The following CLMN variants were observed in gnomAD, a reference collection of about 807,000 sequenced individuals.
CLMN encodes the protein calmin.
CLMN carries 57 observed loss-of-function variants against 92.7 expected under a neutral mutation model. The observed-to-expected ratio is 0.61, with a 90% confidence interval of 0.50 to 0.77. CLMN has a LOEUF of 0.77. Among genes scored for constraint, CLMN ranks in the 30% least tolerant of loss-of-function variants. The probability of loss-of-function intolerance (pLI) is 0.00; values close to 1 mark genes in which losing one functional copy is unlikely to be tolerated. For synonymous variants in CLMN, 466 were observed against 470.6 expected, an observed-to-expected ratio of 0.99 and a Z score of 0.13; for missense variants, 1,158 against 1,237.5, an observed-to-expected ratio of 0.94 and a Z score of 0.96.
rs1305454722 is a variant in CLMN, at chr14:95,183,606, C to T, written c.*7958G>A. ...TTGAAGGAGAAAGCCCAATTTCCTA[C>T]TCTGTGAAGTACGTGTTAGAGGTGC... On this transcript the variant is annotated 3_prime_UTR_variant, in exon 13 of 13. Coordinates refer to ENST00000298912, the MANE Select transcript of CLMN (RefSeq NM_024734.4). The T allele has an allele frequency of 6.6e-6, 1 of 152,212 alleles. No homozygotes were observed. Among genetic ancestry groups the T allele is most frequent in the Non-Finnish European group, 1.5e-5 (1 of 68,048 alleles). 9.4% of individuals were successfully genotyped at this position (152,212 alleles called of 1,614,324 possible). A position where few individuals can be genotyped will look rare whatever the true frequency, so the allele number is the denominator to read the frequency against.
At position 95,202,997 on chromosome 14, in the gene CLMN, C is replaced by A. The variant is rs12147696; in HGVS notation, c.2352G>T (p.Ser784=). The A allele has an allele frequency of 1.2e-6, 2 of 1,614,024 alleles. No homozygotes were observed. Among genetic ancestry groups the A allele is most frequent in the Non-Finnish European group, 1.7e-6 (2 of 1,179,960 alleles). ...CACTGGGGAGGCTCTCTCCTGGCAC[C>A]GAGGAACTGGAGCTGCTCTGAGAGC... The part of the protein sequence containing the change: ...ADGSQSSSSS[S]VPGESLPSAS... Residue 784 remains serine (S), a synonymous_variant, in exon 9 of 13, where the codon TCG becomes TCT. Transcript: ENST00000298912.
At chr14:95,244,722 G>A (rs770293844) in intron 1 of CLMN, among the ~76,000 whole-genome samples, 15 of 152,016 alleles carry the variant, frequency 9.9e-5, no homozygotes, top group Admixed American at 2.0e-4. Flanking sequence ...CAATTTTTAC[G>A]TGAAGATGAA....
chr14:95,286,656 C>T (rs916506997), intron 1 of CLMN, among the ~76,000 whole-genome samples: 3 of 152,114 alleles, frequency 2.0e-5, no homozygotes, highest in Admixed American at 6.5e-5. Flanking sequence ...AAAATGTTTT[C>T]ACCCAAAATA....
Position 95,190,517 on chromosome 14 carries a change from A to C in CLMN, c.*1047T>G, listed in dbSNP as rs188838283. 2 of 152,528 alleles carry C rather than the reference A, an allele frequency of 1.3e-5. No homozygotes were observed. Among genetic ancestry groups the C allele is most frequent in the African/African-American group, 4.8e-5 (2 of 41,424 alleles). The allele number at this position is 152,528 out of a possible 1,614,324, so 9.4% of individuals were successfully genotyped here. The stretch of plus-strand genomic sequence containing the variant: ...ACCTGAGTCTTGGCAGGGAGGAGAG[A>C]GCAGAGGGAGCCTGGGGCTGAGGAA... On this transcript the variant is annotated 3_prime_UTR_variant, in exon 13 of 13. Transcript: ENST00000298912.
At chr14:95,310,786 G>C (rs1901502844) in intron 1 of CLMN, among the ~76,000 whole-genome samples, 2 of 152,198 alleles carry the variant, frequency 1.3e-5, no homozygotes. Context: ...TCTGCAGAAG[G>C]GACCTCGTGG....
Position 95,185,425 on chromosome 14 carries a change from C to G in CLMN, c.*6139G>C, listed in dbSNP as rs1248767328. On this transcript the variant is annotated 3_prime_UTR_variant, in exon 13 of 13. Coordinates refer to ENST00000298912, the MANE Select transcript of CLMN (RefSeq NM_024734.4). ...AGCTCCCAGCCTTCCACCACCCAAC[C>G]CAGGTCCTGGACCTTGTCATTAGGG... is the stretch of plus-strand genomic sequence containing the variant. 2.6e-5 allele frequency: 4 copies of G among 152,472 alleles called. No individual in the cohort carries two copies. Among genetic ancestry groups the G allele is most frequent in the Non-Finnish European group, 5.9e-5 (4 of 68,268 alleles). 9.4% of individuals were successfully genotyped at this position (152,472 alleles called of 1,614,324 possible).
Position 95,194,684 on chromosome 14 carries a change from C to G in CLMN, c.2709-88G>C. 3 of 1,267,952 alleles carry G rather than the reference C, an allele frequency of 2.4e-6. No individual in the cohort carries two copies. Among genetic ancestry groups the G allele is most frequent in the Admixed American group, 1.7e-5 (1 of 59,110 alleles). 78.5% of individuals were successfully genotyped at this position (1,267,952 alleles called of 1,614,324 possible). On this transcript the variant is annotated intron_variant, in intron 10 of 12. Coordinates refer to ENST00000298912, the MANE Select transcript of CLMN (RefSeq NM_024734.4). This position sits in a 1 kb window ranked among gnomAD's most constrained non-coding sequence, Gnocchi z 4.0. ...GGTCACCCCCATCCTGGGGTTTCCA[C>G]GTATGGGTTTAGGCAAGCGACAACT...
At chr14:95,312,018 C>T (rs932171678) in intron 1 of CLMN, among the ~76,000 whole-genome samples, 1 of 152,146 alleles carries the variant, frequency 6.6e-6, no homozygotes, top group African/African-American at 2.4e-5. Flanking sequence ...TGACCAGAGC[C>T]CTGGTCTGTA....
intron 1 of CLMN, among the ~76,000 whole-genome samples, chr14:95,263,418 G>T (rs145314210): frequency 9.8e-4 from 149 of 152,252 alleles, no homozygotes; most frequent in African/African-American, 3.3e-3. Context: ...GATGAGATCT[G>T]GGTGGGGACA....
chr14:95,253,417 T>C (rs1898865628), intron 1 of CLMN, among the ~76,000 whole-genome samples: 1 of 152,154 alleles, frequency 6.6e-6, no homozygotes, highest in African/African-American at 2.4e-5. Flanking sequence ...AAGGCCAGCT[T>C]GGTGGTGAGA....
intron 4 of CLMN, among the ~76,000 whole-genome samples, chr14:95,218,778 C>A (rs1897434449): frequency 6.6e-6 from 1 of 152,212 alleles, no homozygotes; most frequent in Non-Finnish European, 1.5e-5. Context: ...AGTATGCTCG[C>A]ATTTGGAATA....
At chr14:95,222,796 A>T (rs573729692) in intron 3 of CLMN, among the ~76,000 whole-genome samples, 104 of 152,324 alleles carry the variant, frequency 6.8e-4, no homozygotes, top group South Asian at 4.6e-3. Flanking sequence ...CCATTGGGAA[A>T]GCAAAGGTGG....
At chr14:95,302,861 T>C (rs1033999022) in intron 1 of CLMN, among the ~76,000 whole-genome samples, 3 of 152,180 alleles carry the variant, frequency 2.0e-5, no homozygotes, top group Non-Finnish European at 1.5e-5. Flanking sequence ...AAACACCTCC[T>C]CTTTTCACCA....
chr14:95,314,201 G>A lies in CLMN; in HGVS notation c.82+5510C>T, dbSNP rs146351539. 1.1e-3 allele frequency among the ~76,000 whole-genome samples: 162 copies of A among 152,316 alleles called. 1 individual carries two copies. The highest frequency in any genetic ancestry group is 3.5e-3 in the African/African-American group (145 of 41,560). ...AGAGCCCCTTGTTTGCCCTGATGGC[G>A]GGCTGGCCACTATACCTCCCTAGGT... On this transcript the variant is annotated intron_variant, in intron 1 of 12. Coordinates refer to ENST00000298912, the MANE Select transcript of CLMN (RefSeq NM_024734.4).
chr14:95,273,065 C>T (rs1048262019), intron 1 of CLMN, among the ~76,000 whole-genome samples: 8 of 152,168 alleles, frequency 5.3e-5, no homozygotes, highest in African/African-American at 1.9e-4. Flanking sequence ...TGCCTACACC[C>T]TCCCCTACAC....
intron 1 of CLMN, among the ~76,000 whole-genome samples, chr14:95,261,160 C>T (rs1045296179): frequency 1.2e-4 from 17 of 143,974 alleles, no homozygotes; most frequent in South Asian, 2.2e-4. Flanking sequence ...CTGTTTTAAA[C>T]GGCAAGATCA....
chr14:95,246,023 C>T (rs1254786986), intron 1 of CLMN, among the ~76,000 whole-genome samples: 10 of 152,142 alleles, frequency 6.6e-5, no homozygotes, highest in Admixed American at 6.5e-4. Flanking sequence ...TTAATCATGA[C>T]TTTTTATTTT....
In CLMN at chr14:95,210,818, C is replaced by A. The variant is rs771710544; in HGVS notation, c.670G>T (p.Val224Leu). 6.3e-7 allele frequency: 1 copy of A among 1,580,402 alleles called. No homozygotes were observed. The highest frequency in any genetic ancestry group is 2.3e-5 in the East Asian group (1 of 42,720). ...SWRSGLAFLA[V>L]IKAIDPSLVD... ...AGGCTGGGGTCAATGGCCTTGATCA[C>A]CGCCAGGAAAGCCAGCCCACTCCTC... Residue 224 changes from valine to leucine, a missense_variant, in exon 7 of 13, where the codon GTG becomes TTG. Transcript: ENST00000298912.
intron 1 of CLMN, among the ~76,000 whole-genome samples, chr14:95,287,385 G>A (rs1382831569): frequency 4.6e-5 from 7 of 152,274 alleles, no homozygotes; most frequent in African/African-American, 7.2e-5. Flanking sequence ...CAACCTGCCC[G>A]CCCTTCTCAG....
Sources: allele counts gnomAD v4.1 joint callset (sites outside exome capture counted in the v4.1 genomes callset), GRCh38; gene constraint gnomAD v4.1.1; non-coding constraint Gnocchi (gnomAD v3.1); transcripts MANE v1.5; gene names NCBI Gene and HGNC (gene_info 2026-07-23, HGNC 2026-07-21).